The following AFAP1 variants were observed in gnomAD, a reference collection of about 807,000 sequenced individuals.
AFAP1 encodes actin filament associated protein 1, also known as actin filament-associated protein 1.
Under a neutral mutation model 93.9 loss-of-function variants are expected in AFAP1, and 75 were observed. The observed-to-expected ratio is 0.80, with a 90% CI of 0.66 to 0.97. The LOEUF is 0.97. Among genes scored for constraint, AFAP1 ranks in the 50% least tolerant of loss-of-function variants. The probability of loss-of-function intolerance (pLI) is 0.00; values close to 1 mark genes in which losing one functional copy is unlikely to be tolerated. For missense variants in AFAP1, 1,201 were observed against 1,050.8 expected, an observed-to-expected ratio of 1.14 and a Z score of -1.98; for synonymous variants, 517 against 430.7, an observed-to-expected ratio of 1.20 and a Z score of -2.48.
At chr4:7,842,952 C>T (rs1175864362) in intron 5 of AFAP1, 187 bp downstream of exon 5, 7 of 607,856 alleles carry the variant, frequency 1.2e-5, no homozygotes, top group Admixed American at 3.0e-5. Flanking sequence ...ACACACAACA[C>T]GGGCGAGTGC....
intron 1 of AFAP1, among the ~76,000 whole-genome samples, chr4:7,909,941 A>T (rs1474836163): frequency 1.3e-5 from 2 of 152,196 alleles, no homozygotes; most frequent in Non-Finnish European, 2.9e-5. Context: ...AAGCACTACG[A>T]ATCGGGCTAA....
chr4:7,914,287 T>G lies in AFAP1; in HGVS notation c.-3+25369A>C, dbSNP rs188745171. ...CCAGGCTGGTCTCTAACTCCTGACC[T>G]CAGGTGATCCACCCACCTCGGCCTC... On this transcript the variant is annotated intron_variant, in intron 1 of 17. Transcript: ENST00000420658. 2.2e-3 allele frequency among the ~76,000 whole-genome samples: 339 copies of G among 152,206 alleles called. 14 individuals carry two copies. The East Asian group carries it at 0.062, about 28-fold the overall frequency.
intron 1 of AFAP1, 133 bp from the exon 2 acceptor site, chr4:7,872,213 G>C: frequency 8.7e-7 from 1 of 1,148,586 alleles, no homozygotes; most frequent in East Asian, 2.6e-5. Context: ...TAAAAAACAA[G>C]TTTGCTGAAA....
intron 1 of AFAP1, among the ~76,000 whole-genome samples, chr4:7,873,983 A>C (rs888280061): frequency 1.3e-5 from 2 of 152,150 alleles, no homozygotes; most frequent in Non-Finnish European, 2.9e-5. Context: ...CTTTGTATCC[A>C]CCCCATAAGA....
intron 1 of AFAP1, among the ~76,000 whole-genome samples, chr4:7,930,212 G>A (rs1720987336): frequency 6.6e-6 from 1 of 152,230 alleles, no homozygotes; most frequent in African/African-American, 2.4e-5. Context: ...GAGACGCACA[G>A]GGCACACCAC....
intron 4 of AFAP1, among the ~76,000 whole-genome samples, chr4:7,851,198 A>T (rs1439930067): frequency 6.6e-6 from 1 of 152,100 alleles, no homozygotes; most frequent in Non-Finnish European, 1.5e-5. Context: ...CCTGGCAGAG[A>T]CGTAATGCTT....
chr4:7,778,655 C>T, intron 14 of AFAP1, 107 bp downstream of exon 14: 1 of 1,083,622 alleles, frequency 9.2e-7, no homozygotes, highest in Non-Finnish European at 1.4e-6. Context: ...CGCTCCATCT[C>T]TCCAGCTGAC....
chr4:7,847,914 C>A (rs1021110090), intron 4 of AFAP1, among the ~76,000 whole-genome samples: 1 of 151,554 alleles, frequency 6.6e-6, no homozygotes, highest in African/African-American at 2.4e-5. Flanking sequence ...GTTGAAAGGA[C>A]GTTGTTGATT....
intron 1 of AFAP1, among the ~76,000 whole-genome samples, chr4:7,934,813 T>A (rs1721284249): frequency 6.6e-6 from 1 of 152,208 alleles, no homozygotes; most frequent in Admixed American, 6.5e-5. Flanking sequence ...ACAGGGCACT[T>A]AGAAACTGCA....
At chr4:7,899,644 T>C (rs1430457832) in intron 1 of AFAP1, among the ~76,000 whole-genome samples, 2 of 152,144 alleles carry the variant, frequency 1.3e-5, no homozygotes, top group African/African-American at 4.8e-5. Flanking sequence ...CAGGGCTAGA[T>C]AAAGGAGATT....
intron 9 of AFAP1, among the ~76,000 whole-genome samples, chr4:7,806,567 ACT>A (rs1378939002): frequency 6.6e-6 from 1 of 152,032 alleles, no homozygotes; most frequent in Non-Finnish European, 1.5e-5. Context: ...AGCTGCGGAG[ACT>A]CAACTTGGCA....
intron 3 of AFAP1, among the ~76,000 whole-genome samples, chr4:7,856,152 TA>T (rs1317385698): frequency 1.3e-5 from 2 of 152,156 alleles, no homozygotes; most frequent in African/African-American, 4.8e-5. Flanking sequence ...AGGAAAACTT[TA>T]AAAAAGCAAA....
intron 1 of AFAP1, among the ~76,000 whole-genome samples, chr4:7,880,876 G>T (rs961735334): frequency 6.6e-6 from 1 of 152,156 alleles, no homozygotes; most frequent in Admixed American, 6.5e-5. Flanking sequence ...GAAACACGGG[G>T]AAAGTTGCCA....
intron 3 of AFAP1, among the ~76,000 whole-genome samples, chr4:7,864,580 T>TA (rs1015230581): frequency 1.9e-4 from 29 of 152,180 alleles, no homozygotes; most frequent in African/African-American, 6.0e-4. Flanking sequence ...ATTCCCTCTG[T>TA]AAAATACCCT....
intron 4 of AFAP1, among the ~76,000 whole-genome samples, chr4:7,850,097 T>G (rs931390616): frequency 6.6e-6 from 1 of 152,148 alleles, no homozygotes; most frequent in Non-Finnish European, 1.5e-5. Context: ...AGATCTGACT[T>G]ATGTTTGAAA....
intron 1 of AFAP1, among the ~76,000 whole-genome samples, chr4:7,879,317 G>A (rs1400438618): frequency 2.0e-5 from 3 of 152,176 alleles, no homozygotes; most frequent in Non-Finnish European, 4.4e-5. Flanking sequence ...AGATATTACA[G>A]ACGGTAGGAA....
intron 6 of AFAP1, among the ~76,000 whole-genome samples, chr4:7,829,214 T>C (rs1721684549): frequency 6.6e-6 from 1 of 152,242 alleles, no homozygotes; most frequent in Admixed American, 6.5e-5. Flanking sequence ...TATTTCTTCA[T>C]AGCGGCATGA....
At chr4:7,845,294 C>T (rs955393093) in intron 4 of AFAP1, among the ~76,000 whole-genome samples, 2 of 152,122 alleles carry the variant, frequency 1.3e-5, no homozygotes, top group South Asian at 2.1e-4. Flanking sequence ...TGGTAGGGCA[C>T]GCCTGTGGTC....
At chr4:7,858,730 T>C (rs1360122729) in intron 3 of AFAP1, among the ~76,000 whole-genome samples, 1 of 152,152 alleles carries the variant, frequency 6.6e-6, no homozygotes, top group Admixed American at 6.6e-5. Flanking sequence ...TTCCTGCACC[T>C]CTGCAACCTT....
Sources: gnomAD v4.1 joint callset for allele counts (sites outside exome capture counted in the v4.1 genomes callset) on GRCh38, gnomAD v4.1.1 for gene constraint, MANE v1.5 for transcripts, NCBI Gene and HGNC (gene_info 2026-07-23, HGNC 2026-07-21) for gene names.